PLCH1: variants seen among roughly 807,000 people sequenced by gnomAD.
PLCH1 encodes 1-phosphatidylinositol 4,5-bisphosphate phosphodiesterase eta-1.
Under a neutral mutation model 126.7 loss-of-function variants are expected in PLCH1, and 60 were observed. That is an observed-to-expected ratio of 0.47 (90% CI 0.38 to 0.59). The LOEUF (loss-of-function observed/expected upper bound fraction) is 0.59. Ranked by LOEUF, PLCH1 falls within the 20% of genes least tolerant of loss-of-function variation. The pLI is 0.00. For missense variants in PLCH1, 1,723 were observed against 2,040.0 expected, an observed-to-expected ratio of 0.84 and a Z score of 2.99; for synonymous variants, 719 against 734.9, an observed-to-expected ratio of 0.98 and a Z score of 0.35.
chr3:155,712,814 G>T (rs1747233031), intron 1 of PLCH1, among the ~76,000 whole-genome samples: 1 of 150,330 alleles, frequency 6.7e-6, no homozygotes. Context: ...AGAGGAATTT[G>T]TCTATTACAC....
At chr3:155,621,558 A>G (rs184914983) in intron 2 of PLCH1, among the ~76,000 whole-genome samples, 3 of 152,368 alleles carry the variant, frequency 2.0e-5, no homozygotes, top group African/African-American at 7.2e-5. Flanking sequence ...AGTTTAAAGA[A>G]GAACACAAAT....
chr3:155,598,738 T>C (rs1733325296), intron 2 of PLCH1, among the ~76,000 whole-genome samples: 1 of 152,168 alleles, frequency 6.6e-6, no homozygotes, highest in Non-Finnish European at 1.5e-5. Context: ...ATCTATAAAA[T>C]GGGAATAATT....
At chr3:155,653,546 G>T (rs151204261) in intron 2 of PLCH1, among the ~76,000 whole-genome samples, 40 of 152,186 alleles carry the variant, frequency 2.6e-4, no homozygotes, top group African/African-American at 9.6e-4. Context: ...CTTTATGCCT[G>T]CACAAAACAA....
At chr3:155,568,099 G>T (rs989117345) in intron 7 of PLCH1, 132 bp downstream of exon 7, 4 of 564,880 alleles carry the variant, frequency 7.1e-6, no homozygotes, top group Non-Finnish European at 9.5e-6. Context: ...GTGTGTTGTA[G>T]ATTTTGTTTG....
intron 22 of PLCH1, chr3:155,483,304 C>CA (rs932572824): frequency 5.8e-6 from 8 of 1,382,086 alleles, no homozygotes; most frequent in Non-Finnish European, 7.0e-6. Flanking sequence ...TATTCATTGT[C>CA]AAAAAAATGT....
intron 8 of PLCH1, among the ~76,000 whole-genome samples, chr3:155,558,566 TAAAAC>T (rs1198496701): frequency 6.6e-6 from 1 of 152,182 alleles, no homozygotes; most frequent in Admixed American, 6.5e-5. Flanking sequence ...TAACTAATAG[TAAAAC>T]AGAACAATTA....
intron 6 of PLCH1, among the ~76,000 whole-genome samples, chr3:155,569,016 T>C (rs1728877542): frequency 6.6e-6 from 1 of 152,160 alleles, no homozygotes; most frequent in South Asian, 2.1e-4. Flanking sequence ...AAGGATTAAA[T>C]GAATTGATAT....
chr3:155,620,256 A>G (rs1736297438), intron 2 of PLCH1, among the ~76,000 whole-genome samples: 1 of 152,256 alleles, frequency 6.6e-6, no homozygotes, highest in African/African-American at 2.4e-5. Context: ...GCATTAAACT[A>G]TAACCCTCTG....
At chr3:155,658,925 T>A (rs1157142980) in intron 2 of PLCH1, among the ~76,000 whole-genome samples, 1 of 152,248 alleles carries the variant, frequency 6.6e-6, no homozygotes, top group Admixed American at 6.5e-5. Flanking sequence ...AAGAAGTTAA[T>A]CTTACTTAGA....
chr3:155,686,128 A>G (rs1295573938), intron 2 of PLCH1, among the ~76,000 whole-genome samples: 1 of 152,144 alleles, frequency 6.6e-6, no homozygotes, highest in African/African-American at 2.4e-5. Flanking sequence ...GTGTGCGTGC[A>G]TGCATGCGTG....
chr3:155,687,286 T>C (rs922925253), intron 2 of PLCH1, among the ~76,000 whole-genome samples: 2 of 152,176 alleles, frequency 1.3e-5, no homozygotes, highest in Non-Finnish European at 2.9e-5. Flanking sequence ...TCATTCATAG[T>C]CGACTAGCAC....
chr3:155,609,628 A>G (rs2108723372), intron 2 of PLCH1, among the ~76,000 whole-genome samples: 1 of 152,296 alleles, frequency 6.6e-6, no homozygotes, highest in South Asian at 2.1e-4. Context: ...AAGGTGAAAA[A>G]CAAAGAAATT....
intron 14 of PLCH1, among the ~76,000 whole-genome samples, chr3:155,498,599 G>C (rs1336174693): frequency 6.6e-6 from 1 of 152,150 alleles, no homozygotes; most frequent in Non-Finnish European, 1.5e-5. Context: ...CAGAAACACT[G>C]CATAGTGGGT....
Position 155,564,945 on chromosome 3 carries a change from C to G in PLCH1, c.1039G>C (p.Val347Leu). 1 of 1,613,838 alleles carries G rather than the reference C, an allele frequency of 6.2e-7. No homozygotes were observed. Among genetic ancestry groups the G allele is most frequent in the Non-Finnish European group, 8.5e-7 (1 of 1,179,798 alleles). Residue 347 changes from valine to leucine, a missense_variant, in exon 8 of 23, where the codon GTG becomes CTG. Physicochemically the swap from Val to Leu is conservative, Grantham distance 32. Transcript: ENST00000460012. ...SQSKVDMYAR[V>L]LQEGCRCVEV... ...ACACAGCGACAGCCCTCTTGCAGCA[C>G]CCGTGCATACATATCCACTTTGGAC...
chr3:155,728,200 G>A (rs779865701), intron 1 of PLCH1, among the ~76,000 whole-genome samples: 5 of 152,054 alleles, frequency 3.3e-5, no homozygotes, highest in Non-Finnish European at 7.4e-5. Context: ...GTATCAGCGG[G>A]GGGCGAGGGT....
downstream of PLCH1, among the ~76,000 whole-genome samples, chr3:155,478,399 G>C (rs528579736): frequency 1.6e-4 from 24 of 152,144 alleles, no homozygotes; most frequent in African/African-American, 5.5e-4. Flanking sequence ...GAGTGTAATT[G>C]GATTGTTCGT....
intron 10 of PLCH1, among the ~76,000 whole-genome samples, chr3:155,541,731 C>A (rs12633589): frequency 6.6e-6 from 1 of 151,998 alleles, no homozygotes; most frequent in Non-Finnish European, 1.5e-5. Context: ...AAATGTGACA[C>A]AGAGACACAA....
chr3:155,701,567 T>C (rs1746275725), intron 2 of PLCH1, among the ~76,000 whole-genome samples: 1 of 152,240 alleles, frequency 6.6e-6, no homozygotes, highest in African/African-American at 2.4e-5. Context: ...TTTTGGTTGA[T>C]TTTGTTATGT....
At chr3:155,494,968 A>G (rs1716819115) in intron 15 of PLCH1, among the ~76,000 whole-genome samples, 1 of 152,224 alleles carries the variant, frequency 6.6e-6, no homozygotes, top group Non-Finnish European at 1.5e-5. Context: ...GCACACAAGT[A>G]AAACATGTAT....
Sources: allele counts gnomAD v4.1 joint callset (sites outside exome capture counted in the v4.1 genomes callset), GRCh38; gene constraint gnomAD v4.1.1; transcripts MANE v1.5; gene names NCBI Gene and HGNC (gene_info 2026-07-23, HGNC 2026-07-21).